Variants in UNC93B1 observed in about 807,000 individuals in gnomAD.
The protein encoded by UNC93B1 is protein unc-93 homolog B1.
UNC93B1 carries 33 observed loss-of-function variants against 56.8 expected under a neutral mutation model. The ratio of observed to expected loss-of-function variants is 0.58; its 90% confidence interval spans 0.44 to 0.78. The LOEUF (loss-of-function observed/expected upper bound fraction) is 0.78. Ranked by LOEUF, UNC93B1 falls within the 30% of genes least tolerant of loss-of-function variation. UNC93B1 has a pLI of 0.00. For synonymous variants in UNC93B1, 334 were observed against 358.6 expected (o/e 0.93, Z 0.77); for missense variants, 673 against 819.5 (o/e 0.82, Z 2.18).
chr11:67,997,648 C>T (rs1856970974), intron 7 of UNC93B1, 27 bp downstream of exon 7: 5 of 1,599,030 alleles, frequency 3.1e-6, no homozygotes, highest in African/African-American at 2.7e-5. Context: ...GCTTCACTGA[C>T]TGTCCTGCCC....
rs1293560603 is a variant in UNC93B1 at position 68,003,516 on chromosome 11, C to A, written c.238+141G>T. On this transcript the variant is annotated intron_variant, in intron 2 of 10. Transcript: ENST00000227471. The surrounding 1 kb of genome is among the most constrained non-coding windows in gnomAD (Gnocchi z 4.4). ...CTACTTGACCCCCCAACCCCACCCC[C>A]GCCGCGGGGGGCCGTGGCTGCAGCT... is the stretch of plus-strand genomic sequence containing the variant. 1.6e-6 allele frequency: 2 copies of A among 1,284,902 alleles called. No homozygotes were observed. The highest frequency in any genetic ancestry group is 2.8e-4 in the Middle Eastern group (1 of 3,620). The allele number at this position is 1,284,902 out of a possible 1,614,324, so 79.6% of individuals were successfully genotyped here.
rs144399212 is a variant in UNC93B1, at chr11:67,999,234, G to A, written c.626C>T (p.Pro209Leu). 4,767 of 1,613,944 alleles carry A rather than the reference G, an allele frequency of 3.0e-3. 24 individuals carry two copies. In the Middle Eastern group the frequency reaches 0.037, roughly 13 times the overall value. Residue 209 changes from proline (P) to leucine (L), a missense_variant, in exon 5 of 11, where the codon CCG (proline) becomes CTG (leucine). Physicochemically the swap from Pro to Leu is moderately conservative, Grantham distance 98. Coordinates refer to ENST00000227471, the MANE Select transcript of UNC93B1 (RefSeq NM_030930.4). ...QDGQGMKQRPPRGSHAPYLLV... is the reference protein window; with the variant it reads ...QDGQGMKQRPLRGSHAPYLLV... ...GAGATAGGGCGCGTGGGAGCCCCGC[G>A]GAGGCCGCTGCTTCATCCCCTGCCC...
In UNC93B1 at chr11:67,991,704, T is replaced by C. The variant is rs1000291135; in HGVS notation, c.1636A>G (p.Asn546Asp). 26 of 1,534,536 alleles carry C rather than the reference T, an allele frequency of 1.7e-5. No homozygotes were observed. The highest frequency in any genetic ancestry group is 2.2e-5 in the Non-Finnish European group (25 of 1,147,032). ...VRGYRYLEED[N>D]SDESDAEGEH... ...CCCTCCGCGTCGCTCTCGTCCGAGT[T>C]GTCCTCCTCCAAGTAGCGGTAACCG... The change falls in exon 11 of 11, where the codon AAC becomes GAC. Residue 546 changes from asparagine (N) to aspartate (D), a missense_variant. Asn to Asp is a conservative substitution (Grantham distance 23). Around this residue, in one of 3 missense-constraint regions of UNC93B1, gnomAD observed 80 missense variants for 85.3 expected, o/e 0.94. Transcript: ENST00000227471.
At position 67,991,564 on chromosome 11, in the gene UNC93B1, G is replaced by C. The variant is rs2134353913; in HGVS notation, c.1776C>G (p.Asp592Glu). 6.8e-7 allele frequency: 1 copy of C among 1,477,230 alleles called. No homozygotes were observed. The highest frequency in any genetic ancestry group is 8.9e-7 in the Non-Finnish European group (1 of 1,120,216). The allele number at this position is 1,477,230 out of a possible 1,614,324, so 91.5% of individuals were successfully genotyped here. Residue 592 changes from aspartate to glutamate, a missense_variant, in exon 11 of 11, where the codon GAC (aspartate) becomes GAG (glutamate). Asp to Glu is a conservative substitution (Grantham distance 45). Coordinates refer to ENST00000227471, the MANE Select transcript of UNC93B1 (RefSeq NM_030930.4). Reference protein sequence around the residue: ...PCPYEQAQGGDGPEEQ With the variant: ...PCPYEQAQGGEGPEEQ ...CGGCCCCTCACTGCTCCTCCGGCCCGTCTCCCCCCTGCGCCTGTTCGTACG... is the reference window on the plus strand; with the variant it reads ...CGGCCCCTCACTGCTCCTCCGGCCCCTCTCCCCCCTGCGCCTGTTCGTACG...
intron 6 of UNC93B1, 32 bp from the exon 7 acceptor site, chr11:67,997,831 CAG>C (rs758853709): frequency 6.3e-7 from 1 of 1,595,848 alleles, no homozygotes; most frequent in South Asian, 1.1e-5. Context: ...GCACCGTGAG[CAG>C]AGAGTAGGGC....
intron 9 of UNC93B1, 74 bp from the exon 10 acceptor site, chr11:67,993,868 C>T (rs1286395540): frequency 7.8e-6 from 8 of 1,023,358 alleles, no homozygotes; most frequent in Admixed American, 4.0e-5. Flanking sequence ...CTACCATCTA[C>T]GAACTTTACT....
chr11:67,993,654 C>T lies in UNC93B1; in HGVS notation c.1482+22G>A, dbSNP rs1375182988. The T allele has an allele frequency of 1.2e-4, 131 of 1,057,130 alleles. 1 individual carries two copies. The East Asian group carries it at 3.3e-3, about 27-fold the overall frequency. The allele number at this position is 1,057,130 out of a possible 1,614,324, so 65.5% of individuals were successfully genotyped here. A position where few individuals can be genotyped will look rare whatever the true frequency, so the allele number is the denominator to read the frequency against. The stretch of plus-strand genomic sequence containing the variant: ...AAGTACCTGTCATTGGGCATGGGGC[C>T]CCCAACCCTGCCCAGTCTCACCTTC... On this transcript the variant is annotated intron_variant, in intron 10 of 10. Coordinates refer to ENST00000227471, the MANE Select transcript of UNC93B1 (RefSeq NM_030930.4).
rs1175928001 is a variant in UNC93B1 at position 67,999,625 on chromosome 11, C to G, written c.448G>C (p.Val150Leu). ...FLAVGIYALF[V>L]STNYWERYYT... ...TAGCGCTCCCAGTAGTTGGTGGAGACAAAGAGGGCGTAGATGCCCACAGCG... is the reference window on the plus strand; with the variant it reads ...TAGCGCTCCCAGTAGTTGGTGGAGAGAAAGAGGGCGTAGATGCCCACAGCG... The change falls in exon 4 of 11, where the codon GTC becomes CTC. Residue 150 changes from valine to leucine, a missense_variant. Transcript: ENST00000227471. 6.2e-7 allele frequency: 1 copy of G among 1,611,118 alleles called. No homozygotes were observed.
chr11:68,000,851 A>G (rs1195633452), intron 3 of UNC93B1, among the ~76,000 whole-genome samples: 3 of 152,110 alleles, frequency 2.0e-5, no homozygotes, highest in East Asian at 3.8e-4. Flanking sequence ...CTTCATGTCT[A>G]AGACTGGAGC....
chr11:68,003,186 G>GT lies in UNC93B1; in HGVS notation c.239-12_239-11insA. The GT allele has an allele frequency of 6.2e-7, 1 of 1,606,900 alleles. No homozygotes were observed. The highest frequency in any genetic ancestry group is 8.5e-7 in the Non-Finnish European group (1 of 1,178,794). On this transcript the variant is annotated splice_polypyrimidine_tract_variant and intron_variant, in intron 2 of 10. Transcript: ENST00000227471. The surrounding 1 kb of genome is among the most constrained non-coding windows in gnomAD (Gnocchi z 4.4). ...GCATCTGCAGGAGGCCTGGGGACAG[G>GT]ACAGAGAGCGGCGTGCAGGGAGCAG...
At chr11:67,998,338 C>T in intron 6 of UNC93B1, 21 bp downstream of exon 6, 1 of 1,613,728 alleles carries the variant, frequency 6.2e-7, no homozygotes. Context: ...GACTCCTCCC[C>T]AACCCCCAAC....
intron 10 of UNC93B1, 41 bp downstream of exon 10, chr11:67,993,635 C>A: frequency 2.0e-6 from 2 of 984,594 alleles, no homozygotes; most frequent in Non-Finnish European, 3.1e-6. Flanking sequence ...AAGGAAGTAC[C>A]TGTCATTGGG....
Position 67,997,742 on chromosome 11 carries a change from G to A in UNC93B1, c.839C>T (p.Pro280Leu). 1 of 1,610,118 alleles carries A rather than the reference G, an allele frequency of 6.2e-7. No individual in the cohort carries two copies. Among genetic ancestry groups the A allele is most frequent in the Non-Finnish European group, 8.5e-7 (1 of 1,179,856 alleles). ...GFNKTVLRTL[P>L]RSGNLIVVES... Reference sequence around the variant, plus strand: ...CACCACAATGAGGTTTCCGCTCCGCGGGAGCGTCCGCAGAACCGTCTTGTT... The same window carrying A: ...CACCACAATGAGGTTTCCGCTCCGCAGGAGCGTCCGCAGAACCGTCTTGTT... Residue 280 changes from proline (P) to leucine (L), a missense_variant, in exon 7 of 11, where the codon CCG becomes CTG. By Grantham distance (98) the Pro-to-Leu change is moderately conservative. Around this residue, in one of 3 missense-constraint regions of UNC93B1, gnomAD observed 438 missense variants for 465.9 expected, o/e 0.94. Transcript: ENST00000227471.
chr11:67,994,149 A>C (rs1384983664), intron 9 of UNC93B1, among the ~76,000 whole-genome samples: 1 of 152,220 alleles, frequency 6.6e-6, no homozygotes, highest in Non-Finnish European at 1.5e-5. Context: ...TCTCCTCCTC[A>C]GCCAGGACTA....
At chr11:67,997,835 G>T (rs748323181) in intron 6 of UNC93B1, 36 bp from the exon 7 acceptor site, 2 of 1,594,334 alleles carry the variant, frequency 1.3e-6, no homozygotes, top group Non-Finnish European at 1.7e-6. Context: ...CGTGAGCAGA[G>T]AGTAGGGCAC....
At chr11:67,997,367 G>T (rs1231823262) in intron 7 of UNC93B1, among the ~76,000 whole-genome samples, 1 of 152,004 alleles carries the variant, frequency 6.6e-6, no homozygotes, top group African/African-American at 2.4e-5. Flanking sequence ...ACAGGTCTCA[G>T]TCAGTCTTCT....
Position 67,997,636 on chromosome 11 carries a change from C to G in UNC93B1, c.906+39G>C, listed in dbSNP as rs191380954. The stretch of plus-strand genomic sequence containing the variant: ...CAGACTCGGTCCCCAGAACCACACT[C>G]TGCTTCACTGACTGTCCTGCCCCCA... On this transcript the variant is annotated intron_variant, in intron 7 of 10. Transcript: ENST00000227471. 9.4e-6 allele frequency: 15 copies of G among 1,597,870 alleles called. No homozygotes were observed. The East Asian group carries it at 3.3e-4, about 36-fold the overall frequency.
intron 3 of UNC93B1, 94 bp from the exon 4 acceptor site, chr11:67,999,774 A>G (rs1221459618): frequency 2.0e-6 from 3 of 1,491,282 alleles, no homozygotes; most frequent in Admixed American, 2.1e-5. Flanking sequence ...CCCAGCTCAC[A>G]GGGCTTTGTG....
Position 67,997,670 on chromosome 11 carries a change from C to T in UNC93B1, c.906+5G>A. 3.1e-6 allele frequency: 5 copies of T among 1,602,214 alleles called. No homozygotes were observed. The highest frequency in any genetic ancestry group is 4.2e-6 in the Non-Finnish European group (5 of 1,179,802). ...TGACTGTCCTGCCCCCATCCCGGGCCGCACCAGCAGCATGGCCAGGAAGGC... is the reference window on the plus strand; with the variant it reads ...TGACTGTCCTGCCCCCATCCCGGGCTGCACCAGCAGCATGGCCAGGAAGGC... On this transcript the variant is annotated splice_donor_5th_base_variant and intron_variant, in intron 7 of 10. Transcript: ENST00000227471.
Sources: allele counts gnomAD v4.1 joint callset (sites outside exome capture counted in the v4.1 genomes callset), GRCh38; gene constraint gnomAD v4.1.1; regional missense constraint gnomAD v4.1.1; non-coding constraint Gnocchi (gnomAD v3.1); transcripts MANE v1.5; gene names NCBI Gene and HGNC (gene_info 2026-07-23, HGNC 2026-07-21).